Variants in SLC16A7 observed in about 807,000 individuals in gnomAD.
SLC16A7 encodes the protein solute carrier family 16 member 7, also known as monocarboxylate transporter 2.
Under a neutral mutation model 34.9 loss-of-function variants are expected in SLC16A7, and 33 were observed. That is an observed-to-expected ratio of 0.94 (90% CI 0.72 to 1.26). The LOEUF (loss-of-function observed/expected upper bound fraction) is 1.26, where lower values mean the gene tolerates loss of function less well. Among genes scored for constraint, SLC16A7 ranks in the 50% most tolerant of loss-of-function variants. The probability of loss-of-function intolerance (pLI) is 0.00; values close to 1 mark genes in which losing one functional copy is unlikely to be tolerated. For missense variants in SLC16A7, 573 were observed against 578.1 expected, an observed-to-expected ratio of 0.99 and a Z score of 0.09; for synonymous variants, 201 against 206.6, an observed-to-expected ratio of 0.97 and a Z score of 0.23.
At chr12:59,680,239 G>T (rs1309040936) in intron 2 of SLC16A7, among the ~76,000 whole-genome samples, 1 of 152,148 alleles carries the variant, frequency 6.6e-6, no homozygotes, top group Non-Finnish European at 1.5e-5. Context: ...ATGAAACAGG[G>T]CATCAGTGAG....
At position 59,784,994 on chromosome 12, in the gene SLC16A7, A is replaced by G. The variant is rs1330888607; in HGVS notation, c.*5315A>G. 6.6e-6 allele frequency: 1 copy of G among 152,192 alleles called. No individual in the cohort carries two copies. The highest frequency in any genetic ancestry group is 1.5e-5 in the Non-Finnish European group (1 of 68,032). The allele number at this position is 152,192 out of a possible 1,614,324, so 9.4% of individuals were successfully genotyped here. On this transcript the variant is annotated 3_prime_UTR_variant, in exon 6 of 6. Transcript: ENST00000547379. The stretch of plus-strand genomic sequence containing the variant: ...ACAACCATTCAGAGCACTAATTAGC[A>G]TCTATATTGAGAATATAAGATTAAT...
intron 2 of SLC16A7, among the ~76,000 whole-genome samples, chr12:59,704,202 A>AAAAAAAAAAAAAAAAAAAAAAAG (rs1873246958): frequency 1.4e-5 from 2 of 142,632 alleles, no homozygotes; most frequent in Admixed American, 7.0e-5. Flanking sequence ...TCTGTCTCAA[A>AAAAAAAAAAAAAAAAAAAAAAAG]AAAAAAAAAA....
intron 1 of SLC16A7, among the ~76,000 whole-genome samples, chr12:59,647,158 G>A (rs1286315512): frequency 6.6e-6 from 1 of 152,084 alleles, no homozygotes; most frequent in African/African-American, 2.4e-5. Context: ...GAAATGTGAG[G>A]ACATAAGATT....
At chr12:59,684,355 G>C (rs2137079173) in intron 2 of SLC16A7, among the ~76,000 whole-genome samples, 2 of 152,304 alleles carry the variant, frequency 1.3e-5, no homozygotes, top group South Asian at 4.1e-4. Context: ...TTTCCTCTAG[G>C]ACAGAAAAGA....
At chr12:59,724,681 A>G (rs1406365475) in intron 3 of SLC16A7, among the ~76,000 whole-genome samples, 1 of 152,064 alleles carries the variant, frequency 6.6e-6, no homozygotes, top group Non-Finnish European at 1.5e-5. Flanking sequence ...AGTTTAAAAC[A>G]TAAATGTGAC....
chr12:59,671,369 C>T (rs1311284972), intron 2 of SLC16A7, among the ~76,000 whole-genome samples: 14 of 152,020 alleles, frequency 9.2e-5, no homozygotes, highest in East Asian at 1.9e-4. Flanking sequence ...GTTACCAATT[C>T]CCCTATTGAT....
rs12297509 is a variant in SLC16A7 at position 59,658,942 on chromosome 12, A to G, written c.-31+3692A>G. ...ATGTGTCTATAAAAATATGGTTAAA[A>G]TGAGTATAATGATTTTAGATACAGG... is the stretch of plus-strand genomic sequence containing the variant. On this transcript the variant is annotated intron_variant, in intron 2 of 5. Transcript: ENST00000547379. Among the ~76,000 whole-genome samples, 1,156 of 152,188 alleles carry G rather than the reference A, an allele frequency of 7.6e-3. 12 individuals carry two copies. The highest frequency in any genetic ancestry group is 0.026 in the African/African-American group (1,080 of 41,554).
At chr12:59,766,009 T>C (rs1262770705) in intron 3 of SLC16A7, among the ~76,000 whole-genome samples, 1 of 152,196 alleles carries the variant, frequency 6.6e-6, no homozygotes. Flanking sequence ...TTTATTTCCT[T>C]GAGCAGTGGT....
intron 1 of SLC16A7, among the ~76,000 whole-genome samples, chr12:59,622,833 A>G (rs1451792914): frequency 6.6e-6 from 1 of 151,850 alleles, no homozygotes; most frequent in Non-Finnish European, 1.5e-5. Flanking sequence ...TTTAATTTTA[A>G]TTAACGTAGG....
intron 3 of SLC16A7, among the ~76,000 whole-genome samples, chr12:59,743,512 A>C (rs1439593295): frequency 6.6e-6 from 1 of 152,206 alleles, no homozygotes; most frequent in Non-Finnish European, 1.5e-5. Flanking sequence ...CTTGTTCATC[A>C]TAATCCCTGC....
chr12:59,713,020 T>C (rs1210402232), intron 3 of SLC16A7, among the ~76,000 whole-genome samples: 2 of 152,020 alleles, frequency 1.3e-5, no homozygotes, highest in Admixed American at 6.6e-5. Context: ...TCTTTTTTTT[T>C]CTTTTCTTTT....
intron 2 of SLC16A7, among the ~76,000 whole-genome samples, chr12:59,687,699 G>A (rs1003177325): frequency 1.7e-4 from 26 of 152,070 alleles, no homozygotes; most frequent in African/African-American, 5.6e-4. Flanking sequence ...TGGTTCTGAG[G>A]GGCTCAGCTA....
At chr12:59,759,015 T>C (rs541807189) in intron 3 of SLC16A7, among the ~76,000 whole-genome samples, 1 of 152,150 alleles carries the variant, frequency 6.6e-6, no homozygotes, top group African/African-American at 2.4e-5. Context: ...GTATGGACTT[T>C]TTTTTCTATT....
chr12:59,690,932 G>GA (rs1328281809), intron 2 of SLC16A7, among the ~76,000 whole-genome samples: 2 of 151,472 alleles, frequency 1.3e-5, no homozygotes, highest in African/African-American at 2.4e-5. Context: ...AAAATCATTA[G>GA]AAAAAAAGAT....
At chr12:59,751,313 C>T (rs757765816) in intron 3 of SLC16A7, among the ~76,000 whole-genome samples, 10 of 152,186 alleles carry the variant, frequency 6.6e-5, no homozygotes, top group East Asian at 1.9e-4. Context: ...TTGCCTCACT[C>T]GGGAAGCGCA....
intron 2 of SLC16A7, among the ~76,000 whole-genome samples, chr12:59,668,993 C>A (rs1026620269): frequency 6.6e-6 from 1 of 152,132 alleles, no homozygotes; most frequent in African/African-American, 2.4e-5. Context: ...GATTTTGAGG[C>A]CTCTCCAGCC....
chr12:59,664,069 T>G, intron 2 of SLC16A7, among the ~76,000 whole-genome samples: 1 of 151,904 alleles, frequency 6.6e-6, no homozygotes, highest in Admixed American at 6.6e-5. Flanking sequence ...CAATCTAGAG[T>G]TGGAATCCAG....
Position 59,698,141 on chromosome 12 carries a change from A to G in SLC16A7, c.-30-6631A>G, listed in dbSNP as rs117324987. Among the ~76,000 whole-genome samples the G allele has an allele frequency of 9.6e-3, 1,454 of 151,896 alleles. 23 individuals carry two copies. The highest frequency in any genetic ancestry group is 0.015 in the Non-Finnish European group (1,001 of 67,752). ...GATTCAAATTGAAATCAGAACTATA[A>G]GAAAAGTACTTATTACAATAGCTTA... On this transcript the variant is annotated intron_variant, in intron 2 of 5. Coordinates refer to ENST00000547379, the MANE Select transcript of SLC16A7 (RefSeq NM_001270623.2).
At chr12:59,772,895 G>A (rs531894069) in intron 4 of SLC16A7, among the ~76,000 whole-genome samples, 16 of 152,130 alleles carry the variant, frequency 1.1e-4, no homozygotes, top group African/African-American at 3.9e-4. Flanking sequence ...GTTAGGTGAA[G>A]TCAAGCTCAG....
Sources: gnomAD v4.1 joint callset for allele counts (sites outside exome capture counted in the v4.1 genomes callset) on GRCh38, gnomAD v4.1.1 for gene constraint, MANE v1.5 for transcripts, NCBI Gene and HGNC (gene_info 2026-07-23, HGNC 2026-07-21) for gene names.